ALDH2: variants seen among roughly 807,000 people sequenced by gnomAD.
ALDH2 encodes the protein aldehyde dehydrogenase 2 family member, also known as aldehyde dehydrogenase, mitochondrial.
In ALDH2, 44 loss-of-function variants were observed where a neutral mutation model predicts 59.6. That is an observed-to-expected ratio of 0.74 (90% CI 0.58 to 0.95). ALDH2 has a LOEUF of 0.95. ALDH2 is among the 40% of genes least tolerant of loss of function. The pLI is 0.00. For missense variants in ALDH2, 570 were observed against 696.3 expected (o/e 0.82, Z 2.04); for synonymous variants, 291 against 284.0 (o/e 1.02, Z -0.25).
intron 4 of ALDH2, among the ~76,000 whole-genome samples, chr12:111,786,952 C>A (rs2068314877): frequency 6.6e-6 from 1 of 152,126 alleles, no homozygotes; most frequent in Admixed American, 6.6e-5. Context: ...CACCTGTAAT[C>A]CTAGCACTTT....
In ALDH2 at chr12:111,790,656, G is replaced by A. The variant is rs937311946; in HGVS notation, c.681+94G>A. The A allele has an allele frequency of 3.3e-6, 5 of 1,537,698 alleles. No homozygotes were observed. In the African/African-American group the frequency reaches 6.8e-5, roughly 21 times the overall value. ...AAGGGTCTCAGGGGTCCCTAAACAGGGAGGTGTGTTTGTGGAGCCCCCATC... is the reference window on the plus strand; with the variant it reads ...AAGGGTCTCAGGGGTCCCTAAACAGAGAGGTGTGTTTGTGGAGCCCCCATC... On this transcript the variant is annotated intron_variant, in intron 6 of 12. Coordinates refer to ENST00000261733, the MANE Select transcript of ALDH2 (RefSeq NM_000690.4).
At chr12:111,777,676 G>C (rs1311013926) in intron 1 of ALDH2, among the ~76,000 whole-genome samples, 1 of 152,116 alleles carries the variant, frequency 6.6e-6, no homozygotes, top group African/African-American at 2.4e-5. Context: ...CCCCGAGGAG[G>C]AGCTGACTTT....
chr12:111,803,267 A>T (rs1035175174), intron 11 of ALDH2, among the ~76,000 whole-genome samples: 5 of 150,342 alleles, frequency 3.3e-5, no homozygotes, highest in African/African-American at 1.2e-4. Context: ...AAATTTAATA[A>T]TTTTTTTAAA....
At chr12:111,773,787 T>C (rs970499014) in intron 1 of ALDH2, among the ~76,000 whole-genome samples, 4 of 152,234 alleles carry the variant, frequency 2.6e-5, no homozygotes, top group African/African-American at 9.6e-5. Flanking sequence ...ATGTTTGTAT[T>C]GTTCACTTTT....
Position 111,791,436 on chromosome 12 carries a change from C to T in ALDH2, c.795+17C>T, listed in dbSNP as rs756482078. The T allele has an allele frequency of 6.3e-7, 1 of 1,587,394 alleles. No individual in the cohort carries two copies. The highest frequency in any genetic ancestry group is 8.6e-7 in the Non-Finnish European group (1 of 1,159,840). ...TCCACTGAGGTAAGGTGACCCTGGCCTCAAGCTTGCAGCCTCCTTGGCCCA... is the reference window on the plus strand; with the variant it reads ...TCCACTGAGGTAAGGTGACCCTGGCTTCAAGCTTGCAGCCTCCTTGGCCCA... On this transcript the variant is annotated intron_variant, in intron 7 of 12. Transcript: ENST00000261733.
At chr12:111,772,951 A>C (rs1469301011) in intron 1 of ALDH2, among the ~76,000 whole-genome samples, 2 of 150,948 alleles carry the variant, frequency 1.3e-5, no homozygotes, top group Non-Finnish European at 1.5e-5. Flanking sequence ...TCAAAAAAAA[A>C]AAACAAAAAG....
Position 111,792,622 on chromosome 12 carries a change from A to G in ALDH2, c.923A>G (p.His308Arg), listed in dbSNP as rs1188369261. Residue 308 changes from histidine to arginine, a missense_variant, in exon 9 of 13, where the codon CAC (histidine) becomes CGC (arginine). Coordinates refer to ENST00000261733, the MANE Select transcript of ALDH2 (RefSeq NM_000690.4). ...GTGGATTGGGCCGTGGAACAGGCCC[A>G]CTTCGCCCTGTTCTTCAACCAGGGC... ...ADMDWAVEQA[H>R]FALFFNQGQC... 17 of 1,612,786 alleles carry G rather than the reference A, an allele frequency of 1.1e-5. No individual in the cohort carries two copies. The highest frequency in any genetic ancestry group is 1.4e-5 in the Non-Finnish European group (16 of 1,179,836).
chr12:111,793,670 A>T (rs980059315), intron 9 of ALDH2, among the ~76,000 whole-genome samples: 6 of 151,218 alleles, frequency 4.0e-5, no homozygotes, highest in Non-Finnish European at 8.8e-5. Context: ...ATCTCGACTC[A>T]TGCCTCCCGG....
chr12:111,796,334 AT>A (rs201128183), intron 9 of ALDH2, among the ~76,000 whole-genome samples: 22 of 149,388 alleles, frequency 1.5e-4, no homozygotes, highest in East Asian at 5.9e-4. Context: ...AAAATAAATA[AT>A]TTTTTTTTTA....
At chr12:111,782,415 T>C (rs1040632698) in intron 2 of ALDH2, among the ~76,000 whole-genome samples, 2 of 152,228 alleles carry the variant, frequency 1.3e-5, no homozygotes, top group Admixed American at 6.5e-5. Flanking sequence ...ATTAGACTCT[T>C]AGTAAAAATA....
intron 3 of ALDH2, among the ~76,000 whole-genome samples, chr12:111,783,800 G>A (rs997769789): frequency 2.0e-5 from 3 of 152,134 alleles, no homozygotes; most frequent in African/African-American, 4.8e-5. Flanking sequence ...GTGAGCCACC[G>A]CACCTGGCCT....
chr12:111,809,388 AGG>A (rs1446623055), intron 12 of ALDH2, among the ~76,000 whole-genome samples, 153 bp from the exon 13 acceptor site: 5 of 152,282 alleles, frequency 3.3e-5, no homozygotes, highest in Admixed American at 2.0e-4. Context: ...CAGGAGGTCA[AGG>A]CAGTAGTGAG....
chr12:111,787,759 C>T (rs943864389), intron 4 of ALDH2, among the ~76,000 whole-genome samples: 7 of 151,952 alleles, frequency 4.6e-5, no homozygotes, highest in African/African-American at 1.5e-4. Flanking sequence ...AGGCTGTGCG[C>T]GGTGGCTCAT....
rs142881599 is a variant in ALDH2 at position 111,791,674 on chromosome 12, A to G, written c.795+255A>G. On this transcript the variant is annotated intron_variant, in intron 7 of 12. Transcript: ENST00000261733. ...GGCCTGGCCAGACTCCACATAGCCC[A>G]GAGCTGACCGCTTGCCCCAAATCAA... Among the ~76,000 whole-genome samples, 188 of 152,314 alleles carry G rather than the reference A, an allele frequency of 1.2e-3. 3 individuals carry two copies. Among genetic ancestry groups the G allele is most frequent in the African/African-American group, 4.4e-3 (185 of 41,580 alleles).
At chr12:111,776,325 C>T (rs756220327) in intron 1 of ALDH2, among the ~76,000 whole-genome samples, 1 of 152,096 alleles carries the variant, frequency 6.6e-6, no homozygotes, top group African/African-American at 2.4e-5. Context: ...ACTGCAGGAC[C>T]CCCTGCGGGC....
intron 9 of ALDH2, among the ~76,000 whole-genome samples, chr12:111,794,042 CAG>C (rs2068383087): frequency 8.2e-6 from 1 of 122,570 alleles, no homozygotes; most frequent in African/African-American, 3.1e-5. Context: ...TTTTTTGAGA[CAG>C]AGTCTCGCTC....
intron 9 of ALDH2, among the ~76,000 whole-genome samples, chr12:111,793,651 A>G (rs934534488): frequency 2.6e-5 from 4 of 151,602 alleles, no homozygotes; most frequent in African/African-American, 7.3e-5. Context: ...GCTGCAGTGC[A>G]GTGGCACGAT....
intron 4 of ALDH2, 30 bp from the exon 5 acceptor site, chr12:111,789,793 A>T: frequency 6.3e-7 from 1 of 1,588,118 alleles, no homozygotes; most frequent in African/African-American, 1.3e-5. Flanking sequence ...ACAATCATTG[A>T]TTCGAGCTTG....
At chr12:111,790,016 G>A in intron 5 of ALDH2, 82 bp downstream of exon 5, 1 of 1,346,216 alleles carries the variant, frequency 7.4e-7, no homozygotes, top group South Asian at 1.2e-5. Context: ...GTTCTGGGGT[G>A]GTGTCGGAAG....
Sources: gnomAD v4.1 joint callset for allele counts (sites outside exome capture counted in the v4.1 genomes callset) on GRCh38, gnomAD v4.1.1 for gene constraint, MANE v1.5 for transcripts, NCBI Gene and HGNC (gene_info 2026-07-23, HGNC 2026-07-21) for gene names.